Variants in TXNDC9 observed in about 807,000 individuals in gnomAD.
The protein encoded by TXNDC9 is thioredoxin domain containing 9.
A neutral mutation model predicts 23.0 loss-of-function variants in TXNDC9; 7 were observed. The ratio of observed to expected loss-of-function variants is 0.30; its 90% CI spans 0.17 to 0.57. The LOEUF is 0.57. TXNDC9 is among the 20% of genes least tolerant of loss of function. TXNDC9 has a pLI of 0.90. For synonymous variants in TXNDC9, 72 were observed against 90.6 expected (o/e 0.79, Z 1.17); for missense variants, 198 against 252.6 (o/e 0.78, Z 1.47).
intron 3 of TXNDC9, among the ~76,000 whole-genome samples, chr2:99,324,289 C>G (rs576983171): frequency 1.6e-4 from 24 of 152,276 alleles, no homozygotes; most frequent in African/African-American, 5.5e-4. Flanking sequence ...GTTATTTTTA[C>G]CAGTAAGCTT....
intron 1 of TXNDC9, among the ~76,000 whole-genome samples, chr2:99,334,103 C>T (rs190606788): frequency 6.6e-6 from 1 of 152,334 alleles, no homozygotes; most frequent in Admixed American, 6.5e-5. Context: ...GTAATCCCAG[C>T]ACTTTGGGAG....
At chr2:99,318,456 G>C (rs1471891005), downstream of TXNDC9, among the ~76,000 whole-genome samples, 1 of 152,178 alleles carries the variant, frequency 6.6e-6, no homozygotes, top group African/African-American at 2.4e-5. Flanking sequence ...TTATAGGCGT[G>C]AGGCACCGTG....
intron 1 of TXNDC9, 44 bp downstream of exon 1, chr2:99,336,194 AC>A: frequency 1.0e-6 from 1 of 983,644 alleles, no homozygotes; most frequent in Non-Finnish European, 1.2e-6. Flanking sequence ...GTTCACCAGC[AC>A]CCGGACGTGG....
chr2:99,323,885 A>G (rs1229771942), intron 3 of TXNDC9, among the ~76,000 whole-genome samples: 2 of 152,022 alleles, frequency 1.3e-5, no homozygotes, highest in Non-Finnish European at 2.9e-5. Context: ...TCACTCTGTC[A>G]CCCAGGCTGC....
At chr2:99,307,633 T>C in the TXNDC9 span, among the ~76,000 whole-genome samples, 1 of 114,910 alleles carries the variant, frequency 8.7e-6, no homozygotes, top group South Asian at 3.5e-4. Context: ...AAACCCAAGT[T>C]TGAAAAGATT....
the TXNDC9 span, among the ~76,000 whole-genome samples, chr2:99,310,904 G>A: frequency 2.4e-4 from 36 of 152,166 alleles, 1 homozygote; most frequent in Admixed American, 2.1e-3. Context: ...CTTGGCCATC[G>A]TTTGCCAAAA....
chr2:99,323,199 T>C (rs923734563), intron 3 of TXNDC9, among the ~76,000 whole-genome samples: 38 of 150,686 alleles, frequency 2.5e-4, no homozygotes, highest in African/African-American at 8.5e-4. Context: ...TTGAAGTCAG[T>C]AGTTTGAGAC....
At chr2:99,317,230 T>C (rs1255855690), downstream of TXNDC9, among the ~76,000 whole-genome samples, 1 of 152,242 alleles carries the variant, frequency 6.6e-6, no homozygotes, top group African/African-American at 2.4e-5. Context: ...TTCCTTTGAT[T>C]GCTTTTTCGC....
At position 99,319,744 on chromosome 2, in the gene TXNDC9, T is replaced by C. The variant is rs750013704; in HGVS notation, c.619A>G (p.Thr207Ala). Residue 207 changes from threonine to alanine, a missense_variant, in exon 5 of 5, where the codon ACA (threonine) becomes GCA (alanine). Physicochemically the swap from Thr to Ala is moderately conservative, Grantham distance 58. Coordinates refer to ENST00000264255, the MANE Select transcript of TXNDC9 (RefSeq NM_005783.4). ...CGGATAGTTTTCTTTTCCAGCTTTGTGAAGTTTGTTCCAAATTTCTTTTGG... is the reference window on the plus strand; with the variant it reads ...CGGATAGTTTTCTTTTCCAGCTTTGCGAAGTTTGTTCCAAATTTCTTTTGG... The part of the protein sequence containing the change: ...QNQKKFGTNF[T>A]KLEKKTIRGK... 10 of 1,605,914 alleles carry C rather than the reference T, an allele frequency of 6.2e-6. No homozygotes were observed. The highest frequency in any genetic ancestry group is 1.7e-4 in the Middle Eastern group (1 of 6,030).
downstream of TXNDC9, among the ~76,000 whole-genome samples, chr2:99,314,489 T>C (rs1356321880): frequency 6.6e-6 from 1 of 150,378 alleles, no homozygotes; most frequent in East Asian, 1.9e-4. Context: ...TTTTAAAGTG[T>C]ACAGGAGAAT....
intron 3 of TXNDC9, among the ~76,000 whole-genome samples, chr2:99,324,722 C>T (rs1166528416): frequency 2.0e-5 from 3 of 151,666 alleles, no homozygotes; most frequent in Admixed American, 6.6e-5. Flanking sequence ...TACAGGCACC[C>T]GCACCATTGC....
In TXNDC9 at chr2:99,321,777, C is replaced by T. The variant is rs1205090673; in HGVS notation, c.563+178G>A. On this transcript the variant is annotated intron_variant, in intron 4 of 4. Coordinates refer to ENST00000264255, the MANE Select transcript of TXNDC9 (RefSeq NM_005783.4). ...GTTTAATCTGTAAATCTGATTTTGC[C>T]GTAAAATCACGCTAATATTACACAC... 6 of 668,192 alleles carry T rather than the reference C, an allele frequency of 9.0e-6. No individual in the cohort carries two copies. In the East Asian group the frequency reaches 1.2e-4, roughly 13 times the overall value. The allele number at this position is 668,192 out of a possible 1,614,324, so 41.4% of individuals were successfully genotyped here. A position where few individuals can be genotyped will look rare whatever the true frequency, so the allele number is the denominator to read the frequency against.
At chr2:99,324,614 C>G (rs11674219) in intron 3 of TXNDC9, among the ~76,000 whole-genome samples, 59,666 of 151,988 alleles carry the variant, frequency 0.39, 12,579 homozygotes, top group East Asian at 0.64. Context: ...CGCTCTGTCG[C>G]CCAGGCTAGA....
chr2:99,335,584 A>G (rs975221658), intron 1 of TXNDC9, among the ~76,000 whole-genome samples: 1 of 152,216 alleles, frequency 6.6e-6, no homozygotes, highest in Non-Finnish European at 1.5e-5. Context: ...CTATCGCCCA[A>G]GAAAAATGTC....
At chr2:99,336,069 C>T (rs1011838347) in intron 1 of TXNDC9, among the ~76,000 whole-genome samples, 170 bp downstream of exon 1, 2 of 152,244 alleles carry the variant, frequency 1.3e-5, no homozygotes, top group South Asian at 4.1e-4. Context: ...AGCACAGTCC[C>T]GGTGGCCCCA....
intron 3 of TXNDC9, among the ~76,000 whole-genome samples, chr2:99,326,490 GT>G (rs1353314228): frequency 6.6e-6 from 1 of 152,178 alleles, no homozygotes; most frequent in Non-Finnish European, 1.5e-5. Context: ...CTATTAGCAA[GT>G]TTTCTGATTT....
Position 99,327,537 on chromosome 2 carries a change from G to C in TXNDC9, c.306C>G (p.Phe102Leu), listed in dbSNP as rs1217226709. 6.9e-6 allele frequency: 11 copies of C among 1,602,680 alleles called. No homozygotes were observed. The highest frequency in any genetic ancestry group is 7.7e-6 in the Non-Finnish European group (9 of 1,170,962). ...VVCHFYRDST[F>L]RCKILDRHLA... ...GTCACAGATGGAAACAAAGTTACCT[G>C]AATGTGGAGTCTCTGTAGAAATGGC... Residue 102 changes from phenylalanine (F) to leucine (L), a missense_variant and splice_region_variant, in exon 3 of 5, where the codon TTC becomes TTG. Phe to Leu is a conservative substitution (Grantham distance 22). Transcript: ENST00000264255.
the TXNDC9 span, among the ~76,000 whole-genome samples, chr2:99,308,744 C>T: frequency 6.6e-6 from 1 of 151,712 alleles, no homozygotes; most frequent in South Asian, 2.1e-4. Context: ...TGGAGTTTTG[C>T]TCTGTCGCCC....
At chr2:99,328,571 ATT>A (rs1474184666) in intron 2 of TXNDC9, among the ~76,000 whole-genome samples, 1 of 152,204 alleles carries the variant, frequency 6.6e-6, no homozygotes, top group Non-Finnish European at 1.5e-5. Context: ...CAAAATAAAA[ATT>A]TAGACTTGAG....
Sources: allele counts gnomAD v4.1 joint callset (sites outside exome capture counted in the v4.1 genomes callset), GRCh38; gene constraint gnomAD v4.1.1; transcripts MANE v1.5; gene names NCBI Gene and HGNC (gene_info 2026-07-23, HGNC 2026-07-21).